The following SEMA3E variants were observed in gnomAD, a reference collection of about 807,000 sequenced individuals.
The protein encoded by SEMA3E is semaphorin-3E.
A neutral mutation model predicts 93.6 loss-of-function variants in SEMA3E; 49 were observed. The ratio of observed to expected loss-of-function variants is 0.52; its 90% confidence interval spans 0.42 to 0.66. The LOEUF (loss-of-function observed/expected upper bound fraction) is 0.66. Among genes scored for constraint, SEMA3E ranks in the 30% least tolerant of loss-of-function variants. SEMA3E has a pLI of 0.00. For missense variants in SEMA3E, 906 were observed against 964.8 expected (o/e 0.94, Z 0.81); for synonymous variants, 363 against 330.7 (o/e 1.10, Z -1.06).
intron 1 of SEMA3E, among the ~76,000 whole-genome samples, chr7:83,624,803 C>T (rs1310822601): frequency 6.6e-6 from 1 of 152,100 alleles, no homozygotes; most frequent in Non-Finnish European, 1.5e-5. Context: ...TTTGCCCATG[C>T]CTGTGTCCTG....
At chr7:83,606,082 C>T (rs1793111601) in intron 1 of SEMA3E, among the ~76,000 whole-genome samples, 1 of 152,186 alleles carries the variant, frequency 6.6e-6, no homozygotes, top group Non-Finnish European at 1.5e-5. Context: ...CCGTAAGCAG[C>T]AATCATTACA....
In SEMA3E at chr7:83,375,535, G is replaced by A. The variant is rs140023081; in HGVS notation, c.1876-7497C>T. Among the ~76,000 whole-genome samples the A allele has an allele frequency of 4.4e-4, 67 of 152,102 alleles. 1 individual carries two copies. In the East Asian group the frequency reaches 0.012, roughly 27 times the overall value. On this transcript the variant is annotated intron_variant, in intron 16 of 16. Transcript: ENST00000643230. ...TATACTGGGATATCTTCATGCACAC[G>A]CATATTTTTATGATCTGGAAGACCA...
At chr7:83,584,159 A>G (rs746093368) in intron 1 of SEMA3E, among the ~76,000 whole-genome samples, 42 of 152,352 alleles carry the variant, frequency 2.8e-4, no homozygotes, top group Non-Finnish European at 5.1e-4. Context: ...TATATTAACC[A>G]TAAAAAACAA....
chr7:83,421,349 A>G (rs1364914048), intron 4 of SEMA3E, among the ~76,000 whole-genome samples: 1 of 141,648 alleles, frequency 7.1e-6, no homozygotes, highest in African/African-American at 2.5e-5. Flanking sequence ...TAATATTTTC[A>G]TGAAAAACTA....
chr7:83,426,693 T>G (rs906263702), intron 4 of SEMA3E, among the ~76,000 whole-genome samples: 4 of 152,164 alleles, frequency 2.6e-5, no homozygotes, highest in Admixed American at 6.5e-5. Context: ...ATTAAAAACA[T>G]ACAAAAACGT....
intron 7 of SEMA3E, among the ~76,000 whole-genome samples, chr7:83,406,848 A>G (rs1049260620): frequency 1.3e-5 from 2 of 152,186 alleles, no homozygotes; most frequent in African/African-American, 2.4e-5. Context: ...GGGAAGAAGG[A>G]CAGTCTAATC....
chr7:83,589,663 T>C (rs1792713010), intron 1 of SEMA3E, among the ~76,000 whole-genome samples: 1 of 152,166 alleles, frequency 6.6e-6, no homozygotes, highest in African/African-American at 2.4e-5. Flanking sequence ...ATATCCAAAA[T>C]ATTATTTCAA....
chr7:83,586,744 C>A (rs1482059067), intron 1 of SEMA3E, among the ~76,000 whole-genome samples: 1 of 151,860 alleles, frequency 6.6e-6, no homozygotes, highest in Non-Finnish European at 1.5e-5. Flanking sequence ...GTTTTCCTAT[C>A]CTTGTGTACA....
chr7:83,490,095 C>T lies in SEMA3E; in HGVS notation c.276+19G>A, dbSNP rs186974190. 1.2e-6 allele frequency: 2 copies of T among 1,610,022 alleles called. No homozygotes were observed. The highest frequency in any genetic ancestry group is 2.7e-5 in the African/African-American group (2 of 74,870). ...CCCCTTTTCTATCTCTACTGAAATG[C>T]AGTTTGATATTTCTATACCTCTTTA... On this transcript the variant is annotated intron_variant, in intron 2 of 16. Transcript: ENST00000643230.
rs967920080 is a variant in SEMA3E at position 83,426,289 on chromosome 7, A to G, written c.457-7806T>C. Among the ~76,000 whole-genome samples, 5 of 152,260 alleles carry G rather than the reference A, an allele frequency of 3.3e-5. No individual in the cohort carries two copies. The East Asian group carries it at 7.7e-4, about 24-fold the overall frequency. The stretch of plus-strand genomic sequence containing the variant: ...ACACATGCATTTGTATGTTCATTGC[A>G]GCATTATTCACCATAGCAAAGACAT... On this transcript the variant is annotated intron_variant, in intron 4 of 16. Coordinates refer to ENST00000643230, the MANE Select transcript of SEMA3E (RefSeq NM_012431.3).
At position 83,484,132 on chromosome 7, in the gene SEMA3E, C is replaced by T. The variant is rs545900131; in HGVS notation, c.276+5982G>A. Among the ~76,000 whole-genome samples the T allele has an allele frequency of 7.2e-5, 11 of 152,268 alleles. No individual in the cohort carries two copies. The East Asian group carries it at 2.1e-3, about 29-fold the overall frequency. On this transcript the variant is annotated intron_variant, in intron 2 of 16. Coordinates refer to ENST00000643230, the MANE Select transcript of SEMA3E (RefSeq NM_012431.3). ...CTTGCTCTGGTTAAAATCAGGCTGT[C>T]CCTTGAGAACACTGTTTCTCTATCA...
chr7:83,390,039 A>G lies in SEMA3E; in HGVS notation c.1667+2516T>C, dbSNP rs544560069. Among the ~76,000 whole-genome samples, 19 of 146,066 alleles carry G rather than the reference A, an allele frequency of 1.3e-4. 1 individual carries two copies. Among genetic ancestry groups the G allele is most frequent in the African/African-American group, 4.7e-4 (19 of 40,318 alleles). On this transcript the variant is annotated intron_variant, in intron 14 of 16. Transcript: ENST00000643230. Reference sequence around the variant, plus strand: ...CGCGTATATGTGTATACGTATACACATATATGCGCGTATACGTGTGCACAT... The same window carrying G: ...CGCGTATATGTGTATACGTATACACGTATATGCGCGTATACGTGTGCACAT...
Position 83,363,494 on chromosome 7 carries a change from A to T in SEMA3E, c.*4092T>A, listed in dbSNP as rs1484178066. The stretch of plus-strand genomic sequence containing the variant: ...ACCATACAGAGAAGAACACTCCCAT[A>T]TAGTGCTCTAGCTTATAAGTAAGCC... On this transcript the variant is annotated 3_prime_UTR_variant, in exon 17 of 17. Transcript: ENST00000643230. The T allele has an allele frequency of 2.0e-5, 3 of 152,160 alleles. No individual in the cohort carries two copies. The highest frequency in any genetic ancestry group is 1.3e-4 in the Admixed American group (2 of 15,268). The allele number at this position is 152,160 out of a possible 1,614,324, so 9.4% of individuals were successfully genotyped here.
At chr7:83,482,530 A>C (rs2115947081) in intron 2 of SEMA3E, among the ~76,000 whole-genome samples, 1 of 132,314 alleles carries the variant, frequency 7.6e-6, no homozygotes, top group Non-Finnish European at 1.5e-5. Flanking sequence ...GCACCACTGC[A>C]CTCCAGCCTG....
At chr7:83,572,244 CA>C (rs1341731119) in intron 1 of SEMA3E, among the ~76,000 whole-genome samples, 7 of 151,422 alleles carry the variant, frequency 4.6e-5, no homozygotes, top group Non-Finnish European at 7.4e-5. Context: ...CATATTGAAC[CA>C]AAAAAAGTGT....
intron 14 of SEMA3E, among the ~76,000 whole-genome samples, chr7:83,391,384 C>A (rs1788014682): frequency 6.6e-6 from 1 of 152,094 alleles, no homozygotes; most frequent in Non-Finnish European, 1.5e-5. Flanking sequence ...TTCTTCATAT[C>A]CCTGGCACAT....
intron 1 of SEMA3E, among the ~76,000 whole-genome samples, chr7:83,550,746 C>A (rs938914847): frequency 1.3e-5 from 2 of 151,966 alleles, no homozygotes; most frequent in Non-Finnish European, 2.9e-5. Context: ...ATAAGATGAC[C>A]AAGAGAAACT....
At chr7:83,635,850 T>C (rs976154079) in intron 1 of SEMA3E, among the ~76,000 whole-genome samples, 4 of 150,906 alleles carry the variant, frequency 2.7e-5, no homozygotes, top group Non-Finnish European at 5.9e-5. Flanking sequence ...GGCCAAATTA[T>C]TCATAAAACT....
intron 1 of SEMA3E, among the ~76,000 whole-genome samples, chr7:83,568,149 G>A (rs1792202446): frequency 6.6e-6 from 1 of 151,988 alleles, no homozygotes; most frequent in African/African-American, 2.4e-5. Flanking sequence ...TAAATTCCTG[G>A]ATACATACAA....
Sources: allele counts gnomAD v4.1 joint callset (sites outside exome capture counted in the v4.1 genomes callset), GRCh38; gene constraint gnomAD v4.1.1; transcripts MANE v1.5; gene names NCBI Gene and HGNC (gene_info 2026-07-23, HGNC 2026-07-21).